The following PRKDC variants were observed in gnomAD, a reference collection of about 807,000 sequenced individuals.
The protein encoded by PRKDC is DNA-dependent protein kinase catalytic subunit.
A neutral mutation model predicts 486.9 loss-of-function variants in PRKDC; 82 were observed. That is an observed-to-expected ratio of 0.17 (90% CI 0.14 to 0.20). The LOEUF (loss-of-function observed/expected upper bound fraction) is 0.20. Among genes scored for constraint, PRKDC ranks in the 10% least tolerant of loss-of-function variants. The pLI is 1.00. For synonymous variants in PRKDC, 1,895 were observed against 1,837.0 expected, an observed-to-expected ratio of 1.03 and a Z score of -0.81; for missense variants, 4,504 against 5,038.2, an observed-to-expected ratio of 0.89 and a Z score of 3.21.
intron 15 of PRKDC, among the ~76,000 whole-genome samples, chr8:47,933,686 C>T (rs1470729630): frequency 6.6e-6 from 1 of 152,208 alleles, no homozygotes; most frequent in African/African-American, 2.4e-5. Flanking sequence ...AACAGCTTAG[C>T]ATGAGCTATA....
At chr8:47,956,977 CCAAAAAAAAAAAAA>C (rs1273972669) in intron 3 of PRKDC, among the ~76,000 whole-genome samples, 180 bp downstream of exon 3, 4 of 11,454 alleles carry the variant, frequency 3.5e-4, no homozygotes, top group African/African-American at 5.7e-4. Context: ...AACTCCTTCT[CCAAAAAAAAAAAAA>C]AAAAAAAAAA....
At chr8:47,948,154 A>AT (rs1057444457) in intron 7 of PRKDC, among the ~76,000 whole-genome samples, 1 of 150,844 alleles carries the variant, frequency 6.6e-6, no homozygotes, top group African/African-American at 2.4e-5. Flanking sequence ...ATATATAAAA[A>AT]TTTTTTTTGA....
chr8:47,830,496 C>A, intron 61 of PRKDC, 109 bp downstream of exon 61: 2 of 1,438,108 alleles, frequency 1.4e-6, no homozygotes, highest in Non-Finnish European at 1.9e-6. Context: ...AAACCAACAC[C>A]TCATCTATGT....
intron 19 of PRKDC, 27 bp downstream of exon 19, chr8:47,929,065 C>A: frequency 7.2e-7 from 1 of 1,397,694 alleles, no homozygotes; most frequent in Non-Finnish European, 9.9e-7. Flanking sequence ...TTCATGATAA[C>A]ACTAAGATAA....
At chr8:47,798,111 G>T in intron 73 of PRKDC, 126 bp downstream of exon 73, 2 of 1,024,368 alleles carry the variant, frequency 2.0e-6, no homozygotes, top group Non-Finnish European at 2.7e-6. Flanking sequence ...GAATGTAGCA[G>T]AATTCACAGC....
chr8:47,856,529 C>T (rs1046857921), intron 49 of PRKDC, among the ~76,000 whole-genome samples: 1 of 152,124 alleles, frequency 6.6e-6, no homozygotes, highest in Non-Finnish European at 1.5e-5. Flanking sequence ...CATGCCTAGC[C>T]CCGCATGTGT....
intron 73 of PRKDC, among the ~76,000 whole-genome samples, chr8:47,797,806 G>A (rs1446737793): frequency 1.3e-5 from 2 of 152,212 alleles, no homozygotes; most frequent in Non-Finnish European, 2.9e-5. Context: ...AGACCCCTCT[G>A]GACACCGTGC....
At chr8:47,923,399 T>C (rs963347722) in intron 21 of PRKDC, among the ~76,000 whole-genome samples, 1 of 152,132 alleles carries the variant, frequency 6.6e-6, no homozygotes, top group South Asian at 2.1e-4. Context: ...TTCACTGTCT[T>C]ACCAGAAAAA....
chr8:47,849,260 C>G lies in PRKDC; in HGVS notation c.7174G>C (p.Val2392Leu), dbSNP rs1008029859. Residue 2392 changes from valine (V) to leucine (L), a missense_variant, in exon 54 of 86, where the codon GTG becomes CTG. Transcript: ENST00000314191. ...VFFLLPKFHG[V>L]LKTLCLEVVL... ...ACCTCCAGACAGAGTGTTTTCAACA[C>G]TCCATGAAATTTTGGCAGCAGAAAG... 1 of 1,613,978 alleles carries G rather than the reference C, an allele frequency of 6.2e-7. No individual in the cohort carries two copies. Among genetic ancestry groups the G allele is most frequent in the Non-Finnish European group, 8.5e-7 (1 of 1,179,896 alleles).
chr8:47,813,834 A>G (rs996631146), intron 68 of PRKDC, among the ~76,000 whole-genome samples: 1 of 152,204 alleles, frequency 6.6e-6, no homozygotes, highest in Non-Finnish European at 1.5e-5. Flanking sequence ...TTGGCCTCCC[A>G]AAGTGCTGGA....
intron 7 of PRKDC, among the ~76,000 whole-genome samples, chr8:47,945,028 T>C (rs1452940636): frequency 6.6e-6 from 1 of 152,212 alleles, no homozygotes. Flanking sequence ...ACTGAAAGAA[T>C]AGGTACTAGT....
chr8:47,859,630 G>C lies in PRKDC; in HGVS notation c.6188C>G (p.Thr2063Ser), dbSNP rs747319015. The change falls in exon 46 of 86, where the codon ACT (threonine) becomes AGT (serine). Residue 2063 changes from threonine (T) to serine (S), a missense_variant. Transcript: ENST00000314191. ...SYSSQDPRPA[T>S]GRFRRREQRD... is the part of the protein sequence containing the mutation. ...GATCACCCGTCTCCGAAAACGACCA[G>C]TGGCAGGTCTAGGGTCTTGGGAGCT... 1.2e-6 allele frequency: 2 copies of C among 1,610,344 alleles called. No individual in the cohort carries two copies. Among genetic ancestry groups the C allele is most frequent in the Non-Finnish European group, 1.7e-6 (2 of 1,179,012 alleles).
In PRKDC at chr8:47,869,491, G is replaced by A. The variant is rs531702395; in HGVS notation, c.5364-4728C>T. 2.6e-5 allele frequency among the ~76,000 whole-genome samples: 4 copies of A among 151,814 alleles called. No homozygotes were observed. The East Asian group carries it at 5.9e-4, about 23-fold the overall frequency. ...GGATTCATCACCTACTGACTAAAGA[G>A]CCTTTGGGTGACGAATTATCAGTGC... On this transcript the variant is annotated intron_variant, in intron 40 of 85. Transcript: ENST00000314191.
At chr8:47,885,415 A>G (rs1019211043) in intron 36 of PRKDC, among the ~76,000 whole-genome samples, 4 of 151,316 alleles carry the variant, frequency 2.6e-5, no homozygotes, top group African/African-American at 9.7e-5. Context: ...CACCTCCCAA[A>G]GTGCTGGGAT....
Position 47,820,700 on chromosome 8 carries a change from A to G in PRKDC, c.9336+19T>C. On this transcript the variant is annotated intron_variant, in intron 66 of 85. Coordinates refer to ENST00000314191, the MANE Select transcript of PRKDC (RefSeq NM_006904.7). Reference sequence around the variant, plus strand: ...ACACTATATATATACAAGCATATATATATAATATATAGTATTACCTGCATA... The same window carrying G: ...ACACTATATATATACAAGCATATATGTATAATATATAGTATTACCTGCATA... 1.6e-6 allele frequency: 2 copies of G among 1,279,460 alleles called. No homozygotes were observed. The highest frequency in any genetic ancestry group is 3.5e-5 in the South Asian group (2 of 57,822). The allele number at this position is 1,279,460 out of a possible 1,614,324, so 79.3% of individuals were successfully genotyped here.
rs2087046978 is a variant in PRKDC at position 47,799,256 on chromosome 8, T to C, written c.10251A>G (p.Ala3417=). The change falls in exon 72 of 86, where the codon GCA becomes GCG. Residue 3417 remains alanine, a synonymous_variant. Coordinates refer to ENST00000314191, the MANE Select transcript of PRKDC (RefSeq NM_006904.7). The part of the protein sequence containing the change: ...AGVIDAYMTL[A]DFCDQQLRKE... The stretch of plus-strand genomic sequence containing the variant: ...TGCGCAGCTGTTGGTCACAGAAATC[T>C]GCCAGCGTCATGTAAGCATCAATCA... 6.2e-7 allele frequency: 1 copy of C among 1,613,930 alleles called. No homozygotes were observed. The highest frequency in any genetic ancestry group is 8.5e-7 in the Non-Finnish European group (1 of 1,179,898).
chr8:47,861,409 T>C (rs2088675085), intron 44 of PRKDC, among the ~76,000 whole-genome samples: 1 of 152,266 alleles, frequency 6.6e-6, no homozygotes, highest in Non-Finnish European at 1.5e-5. Flanking sequence ...TTTAGTTCTT[T>C]GAACATATGC....
Position 47,957,152 on chromosome 8 carries a change from T to A in PRKDC, c.324+19A>T. The A allele has an allele frequency of 6.8e-7, 1 of 1,471,652 alleles. No homozygotes were observed. The highest frequency in any genetic ancestry group is 2.3e-5 in the East Asian group (1 of 44,062). The allele number at this position is 1,471,652 out of a possible 1,614,324, so 91.2% of individuals were successfully genotyped here. A position where few individuals can be genotyped will look rare whatever the true frequency, so the allele number is the denominator to read the frequency against. On this transcript the variant is annotated intron_variant, in intron 3 of 85. Transcript: ENST00000314191. ...GATGTTGATATATAATGTAATAAGG[T>A]ATGTTTTTTAATTCTTACCTTAATT...
At chr8:47,916,568 A>T (rs1343037288) in intron 22 of PRKDC, among the ~76,000 whole-genome samples, 2 of 152,228 alleles carry the variant, frequency 1.3e-5, no homozygotes, top group African/African-American at 2.4e-5. Context: ...AGTTTTCCTC[A>T]AAGTGGCAGG....
Sources: allele counts gnomAD v4.1 joint callset (sites outside exome capture counted in the v4.1 genomes callset), GRCh38; gene constraint gnomAD v4.1.1; transcripts MANE v1.5; gene names NCBI Gene and HGNC (gene_info 2026-07-23, HGNC 2026-07-21).